BBX: variants seen among roughly 807,000 people sequenced by gnomAD.
The protein encoded by BBX is BBX high mobility group box domain containing.
Under a neutral mutation model 100.2 loss-of-function variants are expected in BBX, and 30 were observed. The observed-to-expected ratio is 0.30, with a 90% CI of 0.22 to 0.41. The LOEUF (loss-of-function observed/expected upper bound fraction) is 0.41. BBX is among the 10% of genes least tolerant of loss of function. The probability of loss-of-function intolerance (pLI) is 1.00; values close to 1 mark genes in which losing one functional copy is unlikely to be tolerated. For synonymous variants in BBX, 376 were observed against 388.1 expected (o/e 0.97, Z 0.37); for missense variants, 1,023 against 1,129.8 (o/e 0.91, Z 1.35).
intron 2 of BBX, among the ~76,000 whole-genome samples, chr3:107,621,676 A>AT (rs917797652): frequency 6.6e-6 from 1 of 151,966 alleles, no homozygotes; most frequent in African/African-American, 2.4e-5. Context: ...GTGTTCTTTG[A>AT]TTTTCTTTCC....
intron 13 of BBX, among the ~76,000 whole-genome samples, chr3:107,786,345 T>C (rs764489342): frequency 1.3e-5 from 2 of 152,072 alleles, no homozygotes; most frequent in South Asian, 2.1e-4. Flanking sequence ...TTGCAAGATA[T>C]TCAGAAAAAA....
intron 10 of BBX, 51 bp from the exon 11 acceptor site, chr3:107,772,577 G>A: frequency 3.3e-6 from 5 of 1,494,802 alleles, no homozygotes; most frequent in Non-Finnish European, 4.5e-6. Flanking sequence ...TTTGAAGGTG[G>A]AATAATAAGG....
chr3:107,783,678 TC>T (rs1354613879), intron 13 of BBX, among the ~76,000 whole-genome samples: 1 of 152,038 alleles, frequency 6.6e-6, no homozygotes, highest in Non-Finnish European at 1.5e-5. Context: ...TATGTATCAT[TC>T]AGGTCCACCA....
intron 2 of BBX, among the ~76,000 whole-genome samples, chr3:107,554,215 A>G (rs1045884632): frequency 1.3e-5 from 2 of 152,220 alleles, no homozygotes; most frequent in Non-Finnish European, 2.9e-5. Context: ...TAAAACAGAC[A>G]GTGGTGAGGG....
At chr3:107,577,958 A>T (rs531886696) in intron 2 of BBX, among the ~76,000 whole-genome samples, 2 of 152,304 alleles carry the variant, frequency 1.3e-5, no homozygotes, top group South Asian at 4.1e-4. Flanking sequence ...GGGGAAAAAA[A>T]CCCTTGAGAA....
intron 9 of BBX, 96 bp from the exon 10 acceptor site, chr3:107,755,502 C>A: frequency 9.3e-7 from 1 of 1,075,970 alleles, no homozygotes; most frequent in South Asian, 1.3e-5. Context: ...CAATGATACT[C>A]TCGTAACTAA....
intron 2 of BBX, among the ~76,000 whole-genome samples, chr3:107,564,936 TATC>T (rs1274718117): frequency 4.6e-5 from 7 of 152,294 alleles, no homozygotes; most frequent in African/African-American, 1.7e-4. Context: ...TGGGGAAAGT[TATC>T]ATAAAATACT....
chr3:107,653,197 A>G (rs1408356840), intron 3 of BBX, among the ~76,000 whole-genome samples: 1 of 152,186 alleles, frequency 6.6e-6, no homozygotes, highest in Non-Finnish European at 1.5e-5. Flanking sequence ...AATAAATATT[A>G]GTGGGCTGAG....
At chr3:107,788,858 G>A (rs1236418604) in intron 13 of BBX, among the ~76,000 whole-genome samples, 1 of 152,180 alleles carries the variant, frequency 6.6e-6, no homozygotes, top group Non-Finnish European at 1.5e-5. Flanking sequence ...TGGAATTTTT[G>A]CTACAGAAGG....
At chr3:107,620,355 A>T (rs1181059819) in intron 2 of BBX, among the ~76,000 whole-genome samples, 2 of 152,228 alleles carry the variant, frequency 1.3e-5, no homozygotes, top group African/African-American at 2.4e-5. Flanking sequence ...TTGTCAGATA[A>T]TCTAACAACA....
At chr3:107,711,369 G>T (rs764533038) in intron 4 of BBX, 4 of 469,926 alleles carry the variant, frequency 8.5e-6, no homozygotes, top group Non-Finnish European at 1.8e-5. Context: ...CACATAGTAG[G>T]TATTAAATAT....
At chr3:107,738,560 A>G (rs1175451573) in intron 7 of BBX, among the ~76,000 whole-genome samples, 1 of 152,196 alleles carries the variant, frequency 6.6e-6, no homozygotes, top group Non-Finnish European at 1.5e-5. Context: ...GAGGCAGAGA[A>G]GGGTAAAGTA....
At chr3:107,611,837 A>G (rs990074194) in intron 2 of BBX, among the ~76,000 whole-genome samples, 1 of 151,370 alleles carries the variant, frequency 6.6e-6, no homozygotes, top group Non-Finnish European at 1.5e-5. Flanking sequence ...CTCTCTTTCT[A>G]CCTCCTCTTT....
intron 4 of BBX, among the ~76,000 whole-genome samples, chr3:107,715,494 C>T (rs2062040152): frequency 6.6e-6 from 1 of 152,142 alleles, no homozygotes; most frequent in African/African-American, 2.4e-5. Flanking sequence ...GCAATTTGTC[C>T]TTCTTGATTT....
intron 16 of BBX, among the ~76,000 whole-genome samples, chr3:107,799,045 G>T (rs913564575): frequency 7.9e-5 from 12 of 151,660 alleles, no homozygotes; most frequent in African/African-American, 2.4e-4. Context: ...AGCTGCTTGG[G>T]AGGCTGAGGC....
intron 12 of BBX, among the ~76,000 whole-genome samples, chr3:107,775,173 T>C (rs2067225060): frequency 6.6e-6 from 1 of 152,188 alleles, no homozygotes; most frequent in African/African-American, 2.4e-5. Context: ...TTAGAATGGA[T>C]AGTATTAGCA....
At chr3:107,715,804 G>A (rs1445291091) in intron 4 of BBX, among the ~76,000 whole-genome samples, 1 of 152,226 alleles carries the variant, frequency 6.6e-6, no homozygotes, top group Non-Finnish European at 1.5e-5. Context: ...TCGGAGCTTT[G>A]TAGAAGTCCT....
chr3:107,781,672 A>G (rs2067904721), intron 13 of BBX, among the ~76,000 whole-genome samples: 2 of 152,114 alleles, frequency 1.3e-5, no homozygotes, highest in Admixed American at 1.3e-4. Flanking sequence ...GTAATTTTTC[A>G]GTGGAAGTAG....
chr3:107,765,631 CT>C (rs2066328442), intron 10 of BBX, among the ~76,000 whole-genome samples: 1 of 152,136 alleles, frequency 6.6e-6, no homozygotes, highest in South Asian at 2.1e-4. Context: ...CCTTTTGAAA[CT>C]GCCTTCCAGT....
Sources: gnomAD v4.1 joint callset for allele counts (sites outside exome capture counted in the v4.1 genomes callset) on GRCh38, gnomAD v4.1.1 for gene constraint, MANE v1.5 for transcripts, NCBI Gene and HGNC (gene_info 2026-07-23, HGNC 2026-07-21) for gene names.